The following CSNK1G1 variants were observed in gnomAD, a reference collection of about 807,000 sequenced individuals.
The protein encoded by CSNK1G1 is casein kinase 1 gamma 1.
A neutral mutation model predicts 59.6 loss-of-function variants in CSNK1G1; 22 were observed. The observed-to-expected ratio is 0.37, with a 90% confidence interval of 0.26 to 0.53. CSNK1G1 has a LOEUF of 0.53. Ranked by LOEUF, CSNK1G1 falls within the 20% of genes least tolerant of loss-of-function variation. The pLI, the probability that CSNK1G1 is intolerant of heterozygous loss-of-function variation, is 0.89. For missense variants in CSNK1G1, 384 were observed against 519.5 expected (o/e 0.74, Z 2.54); for synonymous variants, 179 against 177.1 (o/e 1.01, Z -0.08).
At chr15:64,346,058 A>AATTACAG (rs367700154) in intron 1 of CSNK1G1, among the ~76,000 whole-genome samples, 130,146 of 151,740 alleles carry the variant, frequency 0.86, 56,840 homozygotes, top group East Asian at 0.96. Context: ...CAAAGTGCTG[A>AATTACAG]GTGTGAGCCA....
chr15:64,319,593 T>C (rs1896451069), intron 1 of CSNK1G1, among the ~76,000 whole-genome samples: 1 of 152,232 alleles, frequency 6.6e-6, no homozygotes, highest in Non-Finnish European at 1.5e-5. Context: ...TTGCCCAGGC[T>C]GGAGTGCAGT....
chr15:64,235,131 T>C (rs2082598441), intron 4 of CSNK1G1, among the ~76,000 whole-genome samples: 1 of 152,184 alleles, frequency 6.6e-6, no homozygotes, highest in Non-Finnish European at 1.5e-5. Context: ...AGTAGTTGTC[T>C]TGGTTCCTAG....
chr15:64,274,181 TA>T (rs1023805313), intron 2 of CSNK1G1, among the ~76,000 whole-genome samples: 1 of 152,144 alleles, frequency 6.6e-6, no homozygotes, highest in African/African-American at 2.4e-5. Flanking sequence ...GGTGACTTGA[TA>T]AGTCTCCTGA....
At chr15:64,292,017 T>C (rs375875796) in intron 2 of CSNK1G1, among the ~76,000 whole-genome samples, 5 of 151,836 alleles carry the variant, frequency 3.3e-5, no homozygotes, top group Admixed American at 1.3e-4. Context: ...GCTAACATGG[T>C]GAAACCTCGT....
intron 11 of CSNK1G1, among the ~76,000 whole-genome samples, chr15:64,173,623 T>TTC (rs1555497618): frequency 5.0e-5 from 7 of 139,642 alleles, no homozygotes; most frequent in Non-Finnish European, 9.3e-5. Flanking sequence ...TCTTTTCTTT[T>TTC]TTTTTTTTTT....
intron 3 of CSNK1G1, among the ~76,000 whole-genome samples, chr15:64,252,662 A>G (rs952733416): frequency 2.0e-5 from 3 of 152,114 alleles, no homozygotes; most frequent in African/African-American, 7.2e-5. Flanking sequence ...CCTTATGTAT[A>G]TTTCTTTTTA....
intron 1 of CSNK1G1, among the ~76,000 whole-genome samples, chr15:64,302,093 C>CTTTA (rs894930560): frequency 4.5e-4 from 68 of 152,004 alleles, no homozygotes; most frequent in Middle Eastern, 3.4e-3. Context: ...AATCTGTTTG[C>CTTTA]TTTATTTATT....
At chr15:64,285,051 A>T (rs1391232083) in intron 2 of CSNK1G1, among the ~76,000 whole-genome samples, 5 of 152,134 alleles carry the variant, frequency 3.3e-5, no homozygotes, top group African/African-American at 1.2e-4. Context: ...TATACAAAAT[A>T]AAATTTATCC....
chr15:64,266,016 T>C, intron 2 of CSNK1G1: 2 of 308,060 alleles, frequency 6.5e-6, no homozygotes, highest in Non-Finnish European at 1.3e-5. Flanking sequence ...TCTAGGATCT[T>C]TGAGATCATG....
At chr15:64,173,786 G>GT (rs777928535) in intron 11 of CSNK1G1, among the ~76,000 whole-genome samples, 57 of 151,782 alleles carry the variant, frequency 3.8e-4, no homozygotes, top group Admixed American at 6.6e-4. Context: ...GCTAATTTTT[G>GT]TATTTTTAGT....
intron 2 of CSNK1G1, among the ~76,000 whole-genome samples, chr15:64,275,014 G>A (rs1893527818): frequency 6.6e-6 from 1 of 152,158 alleles, no homozygotes; most frequent in Non-Finnish European, 1.5e-5. Flanking sequence ...AAGAGGACAG[G>A]TTGGCCTATT....
chr15:64,282,593 T>C (rs1278827171), intron 2 of CSNK1G1, among the ~76,000 whole-genome samples: 1 of 152,222 alleles, frequency 6.6e-6, no homozygotes, highest in Non-Finnish European at 1.5e-5. Context: ...TCTGTTCATT[T>C]AACCTGTTTT....
chr15:64,329,861 G>C (rs1198347405), intron 1 of CSNK1G1, among the ~76,000 whole-genome samples: 34 of 113,972 alleles, frequency 3.0e-4, no homozygotes, highest in African/African-American at 2.1e-4. Flanking sequence ...CGATCCCACA[G>C]AAATACAAAC....
intron 4 of CSNK1G1, among the ~76,000 whole-genome samples, chr15:64,231,771 T>C (rs1373128937): frequency 6.6e-6 from 1 of 152,128 alleles, no homozygotes; most frequent in African/African-American, 2.4e-5. Context: ...AACTTCCTCA[T>C]TTTATATGCA....
In CSNK1G1 at chr15:64,168,973, C is replaced by T. The variant is rs2081633647; in HGVS notation, c.*2958G>A. On this transcript the variant is annotated 3_prime_UTR_variant, in exon 12 of 12. Transcript: ENST00000303052. ...TACCCTTGTTATAAAAACCAAATAT[C>T]TAGTAAGAGATTTGTGAGGTTGGAA... The T allele has an allele frequency of 6.6e-6, 1 of 152,568 alleles. No homozygotes were observed. Among genetic ancestry groups the T allele is most frequent in the South Asian group, 2.1e-4 (1 of 4,830 alleles). 9.5% of individuals were successfully genotyped at this position (152,568 alleles called of 1,614,324 possible). A position where few individuals can be genotyped will look rare whatever the true frequency, so the allele number is the denominator to read the frequency against.
chr15:64,300,077 T>G (rs577919554), intron 2 of CSNK1G1, among the ~76,000 whole-genome samples: 2 of 152,164 alleles, frequency 1.3e-5, no homozygotes, highest in Non-Finnish European at 2.9e-5. Flanking sequence ...TCTATGTTCA[T>G]CAGAAAATCT....
chr15:64,337,750 C>A (rs1302485361), intron 1 of CSNK1G1, among the ~76,000 whole-genome samples: 1 of 152,054 alleles, frequency 6.6e-6, no homozygotes, highest in African/African-American at 2.4e-5. Context: ...TATCTATACC[C>A]AAAATATTCT....
At chr15:64,236,614 C>T (rs745955399) in intron 4 of CSNK1G1, among the ~76,000 whole-genome samples, 4 of 152,080 alleles carry the variant, frequency 2.6e-5, no homozygotes, top group African/African-American at 4.8e-5. Context: ...GCAGTCAGAA[C>T]GGCTACTATT....
chr15:64,315,279 C>T (rs1426092571), intron 1 of CSNK1G1, among the ~76,000 whole-genome samples: 1 of 152,140 alleles, frequency 6.6e-6, no homozygotes, highest in Non-Finnish European at 1.5e-5. Context: ...AAGGAAAAAG[C>T]AGCAGCCTAT....
Sources: gnomAD v4.1 joint callset for allele counts (sites outside exome capture counted in the v4.1 genomes callset) on GRCh38, gnomAD v4.1.1 for gene constraint, MANE v1.5 for transcripts, NCBI Gene and HGNC (gene_info 2026-07-23, HGNC 2026-07-21) for gene names.